Variants in ASB7 observed in about 807,000 individuals in gnomAD.
The protein encoded by ASB7 is ankyrin repeat and SOCS box protein 7.
Under a neutral mutation model 32.5 loss-of-function variants are expected in ASB7, and 4 were observed. The ratio of observed to expected loss-of-function variants is 0.12; its 90% CI spans 0.06 to 0.28. ASB7 has a LOEUF of 0.28. Ranked by LOEUF, ASB7 falls within the 10% of genes least tolerant of loss-of-function variation. ASB7 has a pLI of 1.00. For missense variants in ASB7, 181 were observed against 407.1 expected (o/e 0.44, Z 4.78); for synonymous variants, 172 against 155.6 (o/e 1.11, Z -0.78).
Position 100,622,119 on chromosome 15 carries a change from A to G in ASB7, c.212-7318A>G, listed in dbSNP as rs533285303. Among the ~76,000 whole-genome samples, 4 of 152,268 alleles carry G rather than the reference A, an allele frequency of 2.6e-5. No homozygotes were observed. The South Asian group carries it at 8.3e-4, about 32-fold the overall frequency. Reference sequence around the variant, plus strand: ...GTTGTAGGATACAAAATCAACATACAAAAATCAGTAGCATTTCTATATACC... The same window carrying G: ...GTTGTAGGATACAAAATCAACATACGAAAATCAGTAGCATTTCTATATACC... On this transcript the variant is annotated intron_variant, in intron 4 of 5. Coordinates refer to ENST00000332783, the MANE Select transcript of ASB7 (RefSeq NM_198243.3).
intron 5 of ASB7, chr15:100,645,513 C>T: frequency 1.6e-6 from 1 of 641,792 alleles, no homozygotes. Flanking sequence ...GCTCTCAGAA[C>T]TTTCTCTTCA....
chr15:100,638,272 AT>A (rs2039938215), intron 5 of ASB7: 1 of 152,192 alleles, frequency 6.6e-6, no homozygotes, highest in South Asian at 2.1e-4. Flanking sequence ...ACGAGATGTT[AT>A]TACATTATTG....
At chr15:100,643,480 T>C (rs113429581) in intron 5 of ASB7, among the ~76,000 whole-genome samples, 12,518 of 127,616 alleles carry the variant, frequency 0.098, 665 homozygotes, top group Non-Finnish European at 0.15. Flanking sequence ...CCTTCTTCTT[T>C]TTTTTTTTTT....
intron 5 of ASB7, among the ~76,000 whole-genome samples, chr15:100,635,876 C>A (rs763572313): frequency 7.9e-5 from 12 of 152,324 alleles, no homozygotes; most frequent in Non-Finnish European, 1.6e-4. Context: ...CTGAGAAAGT[C>A]TTTCCCCCCG....
chr15:100,626,631 G>C (rs1458014568), intron 4 of ASB7, among the ~76,000 whole-genome samples: 6 of 150,642 alleles, frequency 4.0e-5, no homozygotes, highest in Non-Finnish European at 8.9e-5. Context: ...TTCTCTCTCT[G>C]TCTCTCTCTC....
intron 4 of ASB7, 100 bp downstream of exon 4, chr15:100,612,527 T>A: frequency 8.9e-7 from 1 of 1,120,692 alleles, no homozygotes; most frequent in Non-Finnish European, 1.3e-6. Context: ...TCTCTTCTGT[T>A]AATACTCAAC....
At chr15:100,637,708 T>C (rs1054137761) in intron 5 of ASB7, among the ~76,000 whole-genome samples, 3 of 152,246 alleles carry the variant, frequency 2.0e-5, no homozygotes, top group Admixed American at 6.5e-5. Flanking sequence ...TGATGGAGTA[T>C]CAGAGAAGAT....
intron 5 of ASB7, among the ~76,000 whole-genome samples, chr15:100,640,406 A>G (rs1057112538): frequency 6.6e-6 from 1 of 152,160 alleles, no homozygotes; most frequent in Non-Finnish European, 1.5e-5. Flanking sequence ...TAGCCTCTCA[A>G]AGTGCTGTGA....
intron 5 of ASB7, among the ~76,000 whole-genome samples, chr15:100,643,829 T>C (rs1441247673): frequency 2.0e-5 from 3 of 152,054 alleles, no homozygotes; most frequent in African/African-American, 7.2e-5. Flanking sequence ...AAGCAAATTC[T>C]AGTAATTTAG....
intron 5 of ASB7, among the ~76,000 whole-genome samples, chr15:100,631,629 G>C (rs936571770): frequency 6.6e-6 from 1 of 152,138 alleles, no homozygotes; most frequent in Non-Finnish European, 1.5e-5. Flanking sequence ...ACTTTGTTCA[G>C]TGGTTAATGG....
intron 4 of ASB7, among the ~76,000 whole-genome samples, chr15:100,614,503 C>A (rs1311237589): frequency 6.6e-6 from 1 of 151,880 alleles, no homozygotes; most frequent in African/African-American, 2.4e-5. Flanking sequence ...TTGTAACTAC[C>A]CAGCTCTGCA....
At chr15:100,607,066 T>C (rs1038014882) in intron 2 of ASB7, among the ~76,000 whole-genome samples, 2 of 151,516 alleles carry the variant, frequency 1.3e-5, no homozygotes, top group African/African-American at 4.9e-5. Context: ...GGCAGGAGAA[T>C]CGCTTGAACC....
intron 2 of ASB7, among the ~76,000 whole-genome samples, chr15:100,604,159 G>T (rs1321055229): frequency 6.6e-6 from 1 of 152,158 alleles, no homozygotes; most frequent in Non-Finnish European, 1.5e-5. Flanking sequence ...CTATAAAAAA[G>T]ATTTCTCATT....
intron 5 of ASB7, among the ~76,000 whole-genome samples, chr15:100,640,260 T>G (rs1305085341): frequency 6.6e-6 from 1 of 152,196 alleles, no homozygotes; most frequent in Non-Finnish European, 1.5e-5. Context: ...TTCTCCTGCC[T>G]CAGCCTCCTG....
intron 5 of ASB7, among the ~76,000 whole-genome samples, chr15:100,633,434 G>T (rs568430418): frequency 6.6e-6 from 1 of 152,136 alleles, no homozygotes; most frequent in East Asian, 1.9e-4. Flanking sequence ...AAAATTAGCC[G>T]GGCATGGTGG....
At position 100,648,657 on chromosome 15, in the gene ASB7, A is replaced by G. The variant is rs2040011793; in HGVS notation, c.*195A>G. On this transcript the variant is annotated 3_prime_UTR_variant, in exon 6 of 6. Coordinates refer to ENST00000332783, the MANE Select transcript of ASB7 (RefSeq NM_198243.3). ...ATTTTTTATATATATATAAAAACAC[A>G]CACCACATGCTTGAAGGTCTTAATT... The G allele has an allele frequency of 2.2e-6, 1 of 459,672 alleles. No individual in the cohort carries two copies. The highest frequency in any genetic ancestry group is 3.8e-6 in the Non-Finnish European group (1 of 262,030). The allele number at this position is 459,672 out of a possible 1,614,324, so 28.5% of individuals were successfully genotyped here. A position where few individuals can be genotyped will look rare whatever the true frequency, so the allele number is the denominator to read the frequency against.
In ASB7 at chr15:100,602,646, C is replaced by A; in HGVS notation, c.-673C>A. On this transcript the variant is annotated 5_prime_UTR_variant, in exon 1 of 6. Transcript: ENST00000332783. ...GGGTGGCCCAGTGCAAAGTGCATCC[C>A]GAAAGCCCCCTGTCCGGAGACCCCA... The A allele has an allele frequency of 4.1e-6, 1 of 241,858 alleles. No homozygotes were observed. The highest frequency in any genetic ancestry group is 7.9e-6 in the Non-Finnish European group (1 of 127,316). 15.0% of individuals were successfully genotyped at this position (241,858 alleles called of 1,614,324 possible).
rs2039785394 is a variant in ASB7, at chr15:100,620,840, A to T, written c.211+8413A>T. On this transcript the variant is annotated intron_variant, in intron 4 of 5. Coordinates refer to ENST00000332783, the MANE Select transcript of ASB7 (RefSeq NM_198243.3). ...TCTTAGTGCATTTATTCATCTTCAG[A>T]TTCAGTGTTTATGCAAATTGGCCCA... Among the ~76,000 whole-genome samples, 3 of 152,240 alleles carry T rather than the reference A, an allele frequency of 2.0e-5. No individual in the cohort carries two copies. The South Asian group carries it at 6.2e-4, about 31-fold the overall frequency.
chr15:100,614,466 T>C (rs1199686353), intron 4 of ASB7, among the ~76,000 whole-genome samples: 2 of 152,082 alleles, frequency 1.3e-5, no homozygotes, highest in African/African-American at 2.4e-5. Flanking sequence ...ATAGTAAACA[T>C]GAGAGGCTTT....
Sources: allele counts gnomAD v4.1 joint callset (sites outside exome capture counted in the v4.1 genomes callset), GRCh38; gene constraint gnomAD v4.1.1; transcripts MANE v1.5; gene names NCBI Gene and HGNC (gene_info 2026-07-23, HGNC 2026-07-21).